Variants in FTO observed in about 807,000 individuals in gnomAD.
FTO encodes the protein FTO alpha-ketoglutarate dependent dioxygenase.
FTO carries 47 observed loss-of-function variants against 63.9 expected under a neutral mutation model. The observed-to-expected ratio is 0.74, with a 90% CI of 0.58 to 0.94. FTO has a LOEUF of 0.94. Ranked by LOEUF, FTO falls within the 40% of genes least tolerant of loss-of-function variation. FTO has a pLI of 0.00. For synonymous variants in FTO, 207 were observed against 224.4 expected (o/e 0.92, Z 0.69); for missense variants, 562 against 618.1 (o/e 0.91, Z 0.96).
At chr16:53,749,441 CTT>C (rs748023558) in intron 1 of FTO, among the ~76,000 whole-genome samples, 9 of 140,124 alleles carry the variant, frequency 6.4e-5, no homozygotes, top group Admixed American at 1.4e-4. Flanking sequence ...TTCTTTTTTT[CTT>C]TTTTTTTTTT....
At chr16:53,903,282 G>A (rs914716376) in intron 7 of FTO, among the ~76,000 whole-genome samples, 3 of 147,658 alleles carry the variant, frequency 2.0e-5, no homozygotes, top group Non-Finnish European at 3.0e-5. Context: ...TCCTTGAGAC[G>A]GAGTCTTCCT....
intron 7 of FTO, chr16:53,911,482 A>G: frequency 1.4e-6 from 1 of 703,084 alleles, no homozygotes; most frequent in South Asian, 1.5e-5. Context: ...TTTCAGTAGA[A>G]TGGTAAGGAC....
intron 8 of FTO, among the ~76,000 whole-genome samples, chr16:54,061,423 A>G (rs59643213): frequency 0.19 from 28,999 of 152,142 alleles, 4,589 homozygotes; most frequent in African/African-American, 0.43. Context: ...CACAGATTTC[A>G]AGAGAAGCTT....
At chr16:53,816,795 G>A (rs565074718) in intron 2 of FTO, among the ~76,000 whole-genome samples, 23 of 151,970 alleles carry the variant, frequency 1.5e-4, no homozygotes, top group East Asian at 5.8e-4. Flanking sequence ...CTAAAATACC[G>A]TATATTTTAC....
intron 8 of FTO, chr16:53,993,505 C>T (rs2083862101): frequency 6.6e-6 from 1 of 152,144 alleles, no homozygotes; most frequent in Non-Finnish European, 1.5e-5. Context: ...TCAGAGATGA[C>T]CGTGAATATG....
intron 8 of FTO, among the ~76,000 whole-genome samples, chr16:54,028,060 G>A (rs142891280): frequency 6.6e-6 from 1 of 152,018 alleles, no homozygotes; most frequent in Non-Finnish European, 1.5e-5. Context: ...AGTACACATT[G>A]TTAGATAAAG....
chr16:54,074,172 A>G (rs1207767354), intron 8 of FTO, among the ~76,000 whole-genome samples: 1 of 152,082 alleles, frequency 6.6e-6, no homozygotes, highest in Non-Finnish European at 1.5e-5. Flanking sequence ...CAAAAAAAAA[A>G]GCAGAAATTT....
chr16:53,818,784 T>G (rs2078769966), intron 2 of FTO, among the ~76,000 whole-genome samples: 1 of 152,170 alleles, frequency 6.6e-6, no homozygotes, highest in African/African-American at 2.4e-5. Flanking sequence ...ACAGTTAAGT[T>G]TGTTACTTTA....
chr16:53,759,458 C>A (rs529371017), intron 1 of FTO, among the ~76,000 whole-genome samples: 4 of 152,098 alleles, frequency 2.6e-5, no homozygotes, highest in African/African-American at 9.6e-5. Flanking sequence ...CTTTGGGAGG[C>A]CCAGGCAGGA....
intron 8 of FTO, among the ~76,000 whole-genome samples, chr16:54,088,775 T>TC (rs2086309556): frequency 6.6e-6 from 1 of 152,210 alleles, no homozygotes; most frequent in South Asian, 2.1e-4. Flanking sequence ...TCAGACCATG[T>TC]CCCTTGAACT....
intron 1 of FTO, among the ~76,000 whole-genome samples, chr16:53,709,832 AC>A (rs2075723836): frequency 6.6e-6 from 1 of 152,050 alleles, no homozygotes; most frequent in African/African-American, 2.4e-5. Flanking sequence ...AGTCCTCTTT[AC>A]CCCTAAATAG....
intron 8 of FTO, among the ~76,000 whole-genome samples, chr16:53,959,156 G>A (rs1452984841): frequency 1.3e-5 from 2 of 152,334 alleles, no homozygotes; most frequent in East Asian, 3.9e-4. Flanking sequence ...GGTACGTGGA[G>A]CCAAAAGATG....
intron 8 of FTO, among the ~76,000 whole-genome samples, chr16:54,036,684 C>T (rs1223195056): frequency 6.6e-6 from 1 of 152,204 alleles, no homozygotes; most frequent in African/African-American, 2.4e-5. Context: ...CAGTATATTT[C>T]TGTGTCATTT....
At chr16:53,828,506 C>T (rs895997173) in intron 3 of FTO, among the ~76,000 whole-genome samples, 3 of 152,172 alleles carry the variant, frequency 2.0e-5, no homozygotes, top group Admixed American at 6.5e-5. Flanking sequence ...CATGCCCGGC[C>T]TCCTTTGTTC....
intron 8 of FTO, among the ~76,000 whole-genome samples, chr16:54,007,943 ATTACT>A: frequency 6.6e-6 from 1 of 152,332 alleles, no homozygotes; most frequent in East Asian, 1.9e-4. Context: ...AATTCATCTG[ATTACT>A]TTATTGTCAC....
intron 4 of FTO, among the ~76,000 whole-genome samples, chr16:53,859,758 A>G (rs1440674718): frequency 3.9e-5 from 6 of 152,294 alleles, no homozygotes; most frequent in South Asian, 2.1e-4. Flanking sequence ...ACTTGTTACA[A>G]TAACTATTAT....
chr16:53,972,169 A>G (rs993501564), intron 8 of FTO, among the ~76,000 whole-genome samples: 10 of 152,138 alleles, frequency 6.6e-5, no homozygotes, highest in African/African-American at 2.2e-4. Flanking sequence ...ATGCTCTTTC[A>G]GCATTCTTCA....
intron 4 of FTO, among the ~76,000 whole-genome samples, chr16:53,852,275 CA>C (rs1189698106): frequency 6.7e-5 from 10 of 148,240 alleles, no homozygotes; most frequent in Admixed American, 2.0e-4. Context: ...GACCTTGTCT[CA>C]AAAAAAAAGA....
At chr16:54,003,371 T>G (rs1475033912) in intron 8 of FTO, among the ~76,000 whole-genome samples, 1 of 152,244 alleles carries the variant, frequency 6.6e-6, no homozygotes, top group Admixed American at 6.5e-5. Context: ...AAAAAGTAAT[T>G]TAATTTGTTT....
Sources: allele counts gnomAD v4.1 joint callset (sites outside exome capture counted in the v4.1 genomes callset), GRCh38; gene constraint gnomAD v4.1.1; transcripts MANE v1.5; gene names NCBI Gene and HGNC (gene_info 2026-07-23, HGNC 2026-07-21).